The following ATRIP variants were observed in gnomAD, a reference collection of about 807,000 sequenced individuals.
ATRIP encodes the protein ATR-interacting protein.
A neutral mutation model predicts 78.1 loss-of-function variants in ATRIP; 44 were observed. That is an observed-to-expected ratio of 0.56 (90% confidence interval 0.44 to 0.72). The LOEUF (loss-of-function observed/expected upper bound fraction) is 0.72, where lower values mean the gene tolerates loss of function less well. ATRIP is among the 30% of genes least tolerant of loss of function. The probability of loss-of-function intolerance (pLI) is 0.00; values close to 1 mark genes in which losing one functional copy is unlikely to be tolerated. For missense variants in ATRIP, 927 were observed against 980.2 expected (o/e 0.95, Z 0.72); for synonymous variants, 388 against 408.9 (o/e 0.95, Z 0.62).
In ATRIP at chr3:48,465,211, ATTTTC is replaced by A. The variant is rs1347994347; in HGVS notation, c.2308+133_2308+137del. ...TGCAGCCTGTTCCAGCACTGGGGCC[ATTTTC>A]TTTTATCTTCCTGCCTCAGTTCTTC... On this transcript the variant is annotated intron_variant, in intron 12 of 12. Transcript: ENST00000320211. 37 of 1,245,114 alleles carry A rather than the reference ATTTTC, an allele frequency of 3.0e-5. 1 individual carries two copies. The highest frequency in any genetic ancestry group is 4.1e-5 in the Non-Finnish European group (37 of 900,342). The allele number at this position is 1,245,114 out of a possible 1,614,324, so 77.1% of individuals were successfully genotyped here.
Position 48,454,378 on chromosome 3 carries a change from C to G in ATRIP, c.631C>G (p.Arg211Gly), listed in dbSNP as rs775286602. 2 of 1,613,420 alleles carry G rather than the reference C, an allele frequency of 1.2e-6. No homozygotes were observed. Among genetic ancestry groups the G allele is most frequent in the Non-Finnish European group, 1.7e-6 (2 of 1,179,602 alleles). The change falls in exon 4 of 13, where the codon CGA becomes GGA. Residue 211 changes from arginine (R) to glycine (G), a missense_variant. Coordinates refer to ENST00000320211, the MANE Select transcript of ATRIP (RefSeq NM_130384.3). ...AAGGACAAAGCTCCAGACCAGTGAACGAGCAAATAAACTGGCTGCTCCCTC... is the reference window on the plus strand; with the variant it reads ...AAGGACAAAGCTCCAGACCAGTGAAGGAGCAAATAAACTGGCTGCTCCCTC... Reference protein sequence around the residue: ...ELRTKLQTSERANKLAAPSVS... With the variant: ...ELRTKLQTSEGANKLAAPSVS...
chr3:48,466,620 T>C lies in ATRIP; in HGVS notation c.*1066T>C. 6.2e-7 allele frequency: 1 copy of C among 1,612,020 alleles called. No homozygotes were observed. On this transcript the variant is annotated 3_prime_UTR_variant, in exon 13 of 13. Transcript: ENST00000320211. ...GGGCACTCACACACCCACCCCATGC[T>C]CCTCTCCAGGCTCAGCAGCAGGTAC... is the stretch of plus-strand genomic sequence containing the variant.
chr3:48,464,543 CCTT>C lies in ATRIP; in HGVS notation c.1975-36_1975-34del, dbSNP rs769247641. The C allele has an allele frequency of 6.2e-6, 10 of 1,600,206 alleles. No individual in the cohort carries two copies. The Admixed American group carries it at 6.7e-5, about 11-fold the overall frequency. On this transcript the variant is annotated intron_variant, in intron 10 of 12. Coordinates refer to ENST00000320211, the MANE Select transcript of ATRIP (RefSeq NM_130384.3). ...AGAAAACCCTCGCAGGGACTGGTCT[CCTT>C]CTGCCCAGGATGGAACCAATCTGTT...
rs748855974 is a variant in ATRIP at position 48,457,424 on chromosome 3, C to T, written c.829+8C>T. The T allele has an allele frequency of 2.0e-6, 3 of 1,529,774 alleles. No homozygotes were observed. Among genetic ancestry groups the T allele is most frequent in the Non-Finnish European group, 2.6e-6 (3 of 1,141,490 alleles). 94.8% of individuals were successfully genotyped at this position (1,529,774 alleles called of 1,614,324 possible). ...CTCTGGTGGGCAGAGAGGGTAAGTC[C>T]ATTAGTCATCTATTGATGTATAACA... On this transcript the variant is annotated splice_region_variant and intron_variant, in intron 5 of 12. Coordinates refer to ENST00000320211, the MANE Select transcript of ATRIP (RefSeq NM_130384.3).
Position 48,467,161 on chromosome 3 carries a change from C to A in ATRIP, c.*1607C>A. 1 of 1,614,086 alleles carries A rather than the reference C, an allele frequency of 6.2e-7. No homozygotes were observed. The highest frequency in any genetic ancestry group is 8.5e-7 in the Non-Finnish European group (1 of 1,180,030). ...GCCCTGGAGCGAGCAAGCAGCCCCT[C>A]AGAACACGGCCCAAGGAAGAGCTAT... On this transcript the variant is annotated 3_prime_UTR_variant, in exon 13 of 13. Coordinates refer to ENST00000320211, the MANE Select transcript of ATRIP (RefSeq NM_130384.3).
intron 5 of ATRIP, among the ~76,000 whole-genome samples, chr3:48,458,114 G>T (rs1199002256): frequency 5.6e-5 from 8 of 142,598 alleles, no homozygotes; most frequent in Non-Finnish European, 1.2e-4. Flanking sequence ...GTCTCACCCT[G>T]TCACCCAGGC....
At chr3:48,465,428 C>A in intron 12 of ATRIP, 59 bp from the exon 13 acceptor site, 1 of 1,539,996 alleles carries the variant, frequency 6.5e-7, no homozygotes. Context: ...AGAGGTGGGA[C>A]CTGCCCTAGG....
rs1164595105 is a variant in ATRIP at position 48,466,129 on chromosome 3, T to TG, written c.*582dup. ...TCCCCCGGGAGCAGGGGAGTGGGTG[T>TG]GGGGGGGAACGGATGGTGGTGAGAG... On this transcript the variant is annotated 3_prime_UTR_variant, in exon 13 of 13. Transcript: ENST00000320211. The TG allele has an allele frequency of 5.5e-5, 23 of 416,890 alleles. No homozygotes were observed. The highest frequency in any genetic ancestry group is 7.3e-5 in the Admixed American group (2 of 27,472). The allele number at this position is 416,890 out of a possible 1,614,324, so 25.8% of individuals were successfully genotyped here. A position where few individuals can be genotyped will look rare whatever the true frequency, so the allele number is the denominator to read the frequency against.
rs2107226523 is a variant in ATRIP at position 48,460,634 on chromosome 3, G to T, written c.1580G>T (p.Arg527Met). ...GATGGAGATATGACCTCAGCCCTAA[G>T]GGGGGTTGCTGATGACCAAGGACAG... ...LSDGDMTSALRGVADDQGQHP... is the reference protein window; with the variant it reads ...LSDGDMTSALMGVADDQGQHP... The change falls in exon 8 of 13, where the codon AGG (arginine) becomes ATG (methionine). Residue 527 changes from arginine (R) to methionine (M), a missense_variant. Transcript: ENST00000320211. 7 of 1,614,162 alleles carry T rather than the reference G, an allele frequency of 4.3e-6. No individual in the cohort carries two copies. Among genetic ancestry groups the T allele is most frequent in the Non-Finnish European group, 5.9e-6 (7 of 1,179,996 alleles).
rs2039984462 is a variant in ATRIP at position 48,457,531 on chromosome 3, A to T, written c.829+115A>T. On this transcript the variant is annotated intron_variant, in intron 5 of 12. Coordinates refer to ENST00000320211, the MANE Select transcript of ATRIP (RefSeq NM_130384.3). Reference sequence around the variant, plus strand: ...GATCAGCAATTCTGACAAGGCACAGAGGGGACAATCTCTGCAGGGACTGGA... The same window carrying T: ...GATCAGCAATTCTGACAAGGCACAGTGGGGACAATCTCTGCAGGGACTGGA... The T allele has an allele frequency of 3.5e-6, 3 of 858,694 alleles. No homozygotes were observed. The Admixed American group carries it at 1.1e-4, about 33-fold the overall frequency. 53.2% of individuals were successfully genotyped at this position (858,694 alleles called of 1,614,324 possible). A position where few individuals can be genotyped will look rare whatever the true frequency, so the allele number is the denominator to read the frequency against.
At chr3:48,451,247 TG>T (rs2039829044) in intron 2 of ATRIP, among the ~76,000 whole-genome samples, 1 of 151,834 alleles carries the variant, frequency 6.6e-6, no homozygotes. Context: ...CCCAGCACTT[TG>T]GGAGGCCAAG....
intron 4 of ATRIP, among the ~76,000 whole-genome samples, chr3:48,456,754 A>T (rs555519557): frequency 1.3e-5 from 2 of 152,334 alleles, no homozygotes; most frequent in East Asian, 3.9e-4. Flanking sequence ...CAGCCTGGGC[A>T]ATGGAACAAG....
Position 48,465,058 on chromosome 3 carries a change from G to A in ATRIP, c.2283G>A (p.Gly761=). 4.3e-6 allele frequency: 7 copies of A among 1,612,186 alleles called. No individual in the cohort carries two copies. Among genetic ancestry groups the A allele is most frequent in the Non-Finnish European group, 5.9e-6 (7 of 1,178,678 alleles). Reference sequence around the variant, plus strand: ...CGGGGGTCAGCATGCTCATCCGAGGGCTTCCTGATGTGACGGACTGTGAAG... The same window carrying A: ...CGGGGGTCAGCATGCTCATCCGAGGACTTCCTGATGTGACGGACTGTGAAG... ...VMPGVSMLIR[G]LPDVTDCEEA... is the part of the protein sequence containing the mutation. Residue 761 remains glycine, a synonymous_variant, in exon 12 of 13, where the codon GGG becomes GGA. Coordinates refer to ENST00000320211, the MANE Select transcript of ATRIP (RefSeq NM_130384.3).
intron 1 of ATRIP, among the ~76,000 whole-genome samples, chr3:48,447,903 C>T (rs1293225087): frequency 6.6e-6 from 1 of 152,222 alleles, no homozygotes; most frequent in Non-Finnish European, 1.5e-5. Context: ...TTCCCCTTTC[C>T]TTGACTCTAC....
chr3:48,466,104 TC>T lies in ATRIP; in HGVS notation c.*555del. ...TGTGGATCTTGGAAGGCCTCTGGGG[TC>T]CCCCGGGAGCAGGGGAGTGGGTGTG... On this transcript the variant is annotated 3_prime_UTR_variant, in exon 13 of 13. Transcript: ENST00000320211. 2 of 382,742 alleles carry T rather than the reference TC, an allele frequency of 5.2e-6. No homozygotes were observed. Among genetic ancestry groups the T allele is most frequent in the Admixed American group, 3.8e-5 (1 of 26,404 alleles). 23.7% of individuals were successfully genotyped at this position (382,742 alleles called of 1,614,324 possible). A position where few individuals can be genotyped will look rare whatever the true frequency, so the allele number is the denominator to read the frequency against.
chr3:48,450,246 A>G lies in ATRIP; in HGVS notation c.381+76A>G. 4 of 1,501,640 alleles carry G rather than the reference A, an allele frequency of 2.7e-6. No individual in the cohort carries two copies. The South Asian group carries it at 3.8e-5, about 14-fold the overall frequency. The allele number at this position is 1,501,640 out of a possible 1,614,324, so 93.0% of individuals were successfully genotyped here. On this transcript the variant is annotated intron_variant, in intron 2 of 12. Coordinates refer to ENST00000320211, the MANE Select transcript of ATRIP (RefSeq NM_130384.3). ...TTAAAAGCATTGTACAGTAAAATAT[A>G]CAAAAGTTGTAAAACAAGTGTCTAG...
intron 2 of ATRIP, among the ~76,000 whole-genome samples, chr3:48,451,308 A>C (rs929811974): frequency 6.6e-6 from 1 of 152,164 alleles, no homozygotes; most frequent in Non-Finnish European, 1.5e-5. Context: ...TGGGCAATAC[A>C]ATGAGACCCT....
intron 5 of ATRIP, among the ~76,000 whole-genome samples, chr3:48,457,788 T>C (rs2039991530): frequency 1.3e-5 from 2 of 152,246 alleles, no homozygotes; most frequent in South Asian, 2.1e-4. Context: ...TGCCACATTG[T>C]ATTTGTTAGA....
intron 8 of ATRIP, 125 bp from the exon 9 acceptor site, chr3:48,463,619 TG>T: frequency 7.5e-7 from 1 of 1,336,978 alleles, no homozygotes; most frequent in Non-Finnish European, 1.0e-6. Flanking sequence ...AACCCAAGTC[TG>T]GCTGAACCAA....
Sources: gnomAD v4.1 joint callset for allele counts (sites outside exome capture counted in the v4.1 genomes callset) on GRCh38, gnomAD v4.1.1 for gene constraint, MANE v1.5 for transcripts, NCBI Gene and HGNC (gene_info 2026-07-23, HGNC 2026-07-21) for gene names.